LRRC53: variants seen among roughly 807,000 people sequenced by gnomAD.
The protein encoded by LRRC53 is leucine rich repeat containing 53.
Under a neutral mutation model 13.6 loss-of-function variants are expected in LRRC53, and 25 were observed. That is an observed-to-expected ratio of 1.83 (90% CI 1.34 to 2.56). The LOEUF (loss-of-function observed/expected upper bound fraction) is 2.56. Among genes scored for constraint, LRRC53 ranks in the 30% most tolerant of loss-of-function variants. The pLI is 0.00. For synonymous variants in LRRC53, 204 were observed against 109.8 expected (o/e 1.86, Z -5.37); for missense variants, 527 against 275.8 (o/e 1.91, Z -6.45).
At chr1:74,529,139 A>T in the LRRC53 span, among the ~76,000 whole-genome samples, 4 of 152,256 alleles carry the variant, frequency 2.6e-5, no homozygotes. Context: ...ATATTTATAT[A>T]GTCTCAAAAT....
chr1:74,510,777 T>G (rs1042054768), intron 1 of LRRC53, among the ~76,000 whole-genome samples: 21 of 152,226 alleles, frequency 1.4e-4, no homozygotes, highest in Admixed American at 6.5e-4. Flanking sequence ...CACAAATGTG[T>G]GTTGATTTCC....
intron 1 of LRRC53, among the ~76,000 whole-genome samples, chr1:74,504,617 C>A (rs756421592): frequency 2.0e-5 from 3 of 151,976 alleles, no homozygotes; most frequent in Non-Finnish European, 4.4e-5. Flanking sequence ...AAGAGCCCTA[C>A]GTGTGTAAAA....
upstream of LRRC53, among the ~76,000 whole-genome samples, chr1:74,514,519 C>T (rs778109795): frequency 2.6e-5 from 4 of 152,050 alleles, no homozygotes; most frequent in Non-Finnish European, 5.9e-5. Context: ...TATTGAGAAC[C>T]TACTATGTAC....
At chr1:74,535,007 T>C in the LRRC53 span, among the ~76,000 whole-genome samples, 5 of 150,024 alleles carry the variant, frequency 3.3e-5, no homozygotes, top group South Asian at 2.1e-4. Context: ...TGGTAACGTA[T>C]AGCCAGATAT....
At chr1:74,489,861 T>A (rs1265948137) in intron 1 of LRRC53, among the ~76,000 whole-genome samples, 1 of 151,994 alleles carries the variant, frequency 6.6e-6, no homozygotes, top group Non-Finnish European at 1.5e-5. Context: ...GCACACTACT[T>A]GAAAAATAAT....
chr1:74,490,703 T>A (rs1404890131), intron 1 of LRRC53, among the ~76,000 whole-genome samples: 2 of 152,280 alleles, frequency 1.3e-5, no homozygotes, highest in Non-Finnish European at 1.5e-5. Context: ...AACTTTTCAG[T>A]CAACGGTTTA....
chr1:74,505,927 C>T (rs947941504), intron 1 of LRRC53, among the ~76,000 whole-genome samples: 4 of 152,144 alleles, frequency 2.6e-5, no homozygotes, highest in Non-Finnish European at 5.9e-5. Flanking sequence ...AAAAAATTTA[C>T]TAGTGGATAT....
chr1:74,502,021 G>C (rs72675337), intron 1 of LRRC53, among the ~76,000 whole-genome samples: 15 of 151,904 alleles, frequency 9.9e-5, no homozygotes, highest in Non-Finnish European at 2.1e-4. Flanking sequence ...GAAGATTTTG[G>C]CTTTATACAG....
intron 1 of LRRC53, chr1:74,489,072 A>C: frequency 1.3e-6 from 1 of 787,298 alleles, no homozygotes; most frequent in Non-Finnish European, 2.0e-6. Context: ...TTTTAAATAA[A>C]AATATACTTT....
intron 1 of LRRC53, among the ~76,000 whole-genome samples, chr1:74,491,777 T>C (rs933230218): frequency 3.9e-5 from 6 of 152,256 alleles, no homozygotes; most frequent in African/African-American, 1.4e-4. Context: ...TAGTGAAGAA[T>C]GTGAAGAATC....
At chr1:74,491,363 G>A (rs554633039) in intron 1 of LRRC53, among the ~76,000 whole-genome samples, 1 of 152,308 alleles carries the variant, frequency 6.6e-6, no homozygotes, top group South Asian at 2.1e-4. Context: ...GGGACTACAG[G>A]TGCGTGCCAC....
At chr1:74,501,838 G>C (rs1669648902) in intron 1 of LRRC53, among the ~76,000 whole-genome samples, 1 of 151,930 alleles carries the variant, frequency 6.6e-6, no homozygotes, top group African/African-American at 2.4e-5. Flanking sequence ...CTTTAAACTA[G>C]CTTGTATGTG....
chr1:74,518,695 C>G, the LRRC53 span, among the ~76,000 whole-genome samples: 4 of 151,878 alleles, frequency 2.6e-5, no homozygotes, highest in Non-Finnish European at 5.9e-5. Flanking sequence ...TTTTTAAGCT[C>G]AAAATTATTA....
chr1:74,506,885 G>A (rs775478930), intron 1 of LRRC53, among the ~76,000 whole-genome samples: 3 of 151,842 alleles, frequency 2.0e-5, no homozygotes, highest in Non-Finnish European at 2.9e-5. Flanking sequence ...CTGTCTTCTC[G>A]GAAAAGATTT....
the LRRC53 span, among the ~76,000 whole-genome samples, chr1:74,529,077 A>G: frequency 6.6e-6 from 1 of 152,232 alleles, no homozygotes; most frequent in Non-Finnish European, 1.5e-5. Flanking sequence ...CTATAAGTTC[A>G]TATAGATATA....
chr1:74,489,303 C>T, intron 1 of LRRC53: 1 of 1,566,340 alleles, frequency 6.4e-7, no homozygotes, highest in Non-Finnish European at 8.7e-7. Context: ...ATATCCAAGG[C>T]TGTCAGGGAA....
At chr1:74,518,731 G>A in the LRRC53 span, among the ~76,000 whole-genome samples, 1 of 151,856 alleles carries the variant, frequency 6.6e-6, no homozygotes, top group Non-Finnish European at 1.5e-5. Context: ...CACATATTTT[G>A]CTTTTATATA....
chr1:74,476,547 G>A (rs924797551), intron 3 of LRRC53, among the ~76,000 whole-genome samples: 4 of 152,098 alleles, frequency 2.6e-5, no homozygotes, highest in African/African-American at 9.7e-5. Context: ...CCACAACTCT[G>A]AGACAAAGGA....
Position 74,480,180 on chromosome 1 carries a change from C to A in LRRC53, c.877G>T (p.Ala293Ser). ...RSPLLPGPDV[A>S]LLTVLGFAGA... Reference sequence around the variant, plus strand: ...GCGAAGCCAAGGACAGTCAGCAGGGCCACATCTGGTCCTGGGAGGAGGGGA... The same window carrying A: ...GCGAAGCCAAGGACAGTCAGCAGGGACACATCTGGTCCTGGGAGGAGGGGA... The change falls in exon 3 of 5, where the codon GCC (alanine) becomes TCC (serine). Residue 293 changes from alanine to serine, a missense_variant. Ala to Ser is a moderately conservative substitution (Grantham distance 99). Coordinates refer to ENST00000294635, the MANE Select transcript of LRRC53 (RefSeq NM_001382280.1). 1 of 717,292 alleles carries A rather than the reference C, an allele frequency of 1.4e-6. No individual in the cohort carries two copies. The highest frequency in any genetic ancestry group is 1.5e-5 in the South Asian group (1 of 67,580). The allele number at this position is 717,292 out of a possible 1,614,324, so 44.4% of individuals were successfully genotyped here. A position where few individuals can be genotyped will look rare whatever the true frequency, so the allele number is the denominator to read the frequency against.
Sources: allele counts gnomAD v4.1 joint callset (sites outside exome capture counted in the v4.1 genomes callset), GRCh38; gene constraint gnomAD v4.1.1; transcripts MANE v1.5; gene names NCBI Gene and HGNC (gene_info 2026-07-23, HGNC 2026-07-21).